ATP5F1A: variants seen among roughly 807,000 people sequenced by gnomAD.
ATP5F1A encodes ATP synthase F1 subunit alpha, also known as ATP synthase F(1) complex subunit alpha, mitochondrial.
ATP5F1A carries 24 observed loss-of-function variants against 57.4 expected under a neutral mutation model. That is an observed-to-expected ratio of 0.42 (90% CI 0.30 to 0.59). The LOEUF (loss-of-function observed/expected upper bound fraction) is 0.59, where lower values mean the gene tolerates loss of function less well. ATP5F1A is among the 20% of genes least tolerant of loss of function. The pLI, the probability that ATP5F1A is intolerant of heterozygous loss-of-function variation, is 0.19. For synonymous variants in ATP5F1A, 251 were observed against 255.5 expected (o/e 0.98, Z 0.17); for missense variants, 494 against 707.9 (o/e 0.70, Z 3.43).
upstream of ATP5F1A, among the ~76,000 whole-genome samples, chr18:46,102,080 A>T (rs1315139431): frequency 6.6e-6 from 1 of 151,540 alleles, no homozygotes; most frequent in Non-Finnish European, 1.5e-5. Flanking sequence ...AGGCTGAGGC[A>T]GGAGAATGGC....
chr18:46,087,701 G>C (rs1910226514), intron 6 of ATP5F1A: 1 of 552,036 alleles, frequency 1.8e-6, no homozygotes, highest in African/African-American at 1.9e-5. Context: ...CCAATATGAG[G>C]AAACTCCGTC....
At chr18:46,087,966 A>G in intron 6 of ATP5F1A, 143 bp downstream of exon 6, 2 of 843,568 alleles carry the variant, frequency 2.4e-6, no homozygotes, top group Admixed American at 2.9e-5. Context: ...ACTGTTTTAC[A>G]TTGTCTTACC....
At position 46,089,954 on chromosome 18, in the gene ATP5F1A, C is replaced by T. The variant is rs761252563; in HGVS notation, c.352G>A (p.Val118Met). 1.5e-5 allele frequency: 24 copies of T among 1,611,116 alleles called. No homozygotes were observed. The highest frequency in any genetic ancestry group is 1.6e-4 in the Middle Eastern group (1 of 6,068). Residue 118 changes from valine to methionine, a missense_variant, in exon 4 of 12, where the codon GTG (valine) becomes ATG (methionine). Around this residue, in one of 6 missense-constraint regions of ATP5F1A, gnomAD observed 191 missense variants for 267.7 expected, o/e 0.71. Coordinates refer to ENST00000398752, the MANE Select transcript of ATP5F1A (RefSeq NM_004046.6). ...NLEPDNVGVV[V>M]FGNDKLIKEG... ...TTAATTAGTTTATCATTTCCAAACA[C>T]GACAACACCAACATTGTCAGGTTCC...
At chr18:46,090,704 C>T (rs1362442751) in intron 3 of ATP5F1A, among the ~76,000 whole-genome samples, 1 of 152,198 alleles carries the variant, frequency 6.6e-6, no homozygotes, top group East Asian at 1.9e-4. Context: ...ATGTTCAATA[C>T]AGCATCCACT....
chr18:46,094,945 C>T (rs991531091), intron 2 of ATP5F1A, 108 bp downstream of exon 2: 28 of 1,377,076 alleles, frequency 2.0e-5, no homozygotes, highest in Non-Finnish European at 2.7e-5. Flanking sequence ...TCTATACAAA[C>T]TAGAGAAAAA....
intron 1 of ATP5F1A, among the ~76,000 whole-genome samples, chr18:46,103,610 C>CAAAAAA (rs71160711): frequency 5.8e-5 from 2 of 34,504 alleles, no homozygotes; most frequent in Admixed American, 4.0e-4. Context: ...GACTCCATCT[C>CAAAAAA]AAAAAAAAAA....
At chr18:46,090,154 C>A (rs1910455105) in intron 3 of ATP5F1A, among the ~76,000 whole-genome samples, 158 bp from the exon 4 acceptor site, 1 of 152,134 alleles carries the variant, frequency 6.6e-6, no homozygotes, top group Admixed American at 6.5e-5. Context: ...AACAAACAAC[C>A]CTCTCTGATT....
chr18:46,086,664 G>A (rs1910121509), intron 8 of ATP5F1A, 170 bp from the exon 9 acceptor site: 2 of 634,680 alleles, frequency 3.2e-6, no homozygotes, highest in Non-Finnish European at 5.4e-6. Flanking sequence ...GCAATTAGGA[G>A]ATGTGCATGA....
chr18:46,099,660 A>G (rs549896476), upstream of ATP5F1A, among the ~76,000 whole-genome samples: 102 of 151,854 alleles, frequency 6.7e-4, no homozygotes, highest in African/African-American at 2.3e-3. Flanking sequence ...AGGTCTCTCT[A>G]TGTTGCCCAG....
At position 46,084,143 on chromosome 18, in the gene ATP5F1A, C is replaced by A; in HGVS notation, c.*139G>T. 3.1e-6 allele frequency: 2 copies of A among 654,526 alleles called. No homozygotes were observed. Among genetic ancestry groups the A allele is most frequent in the South Asian group, 2.5e-5 (1 of 39,984 alleles). The allele number at this position is 654,526 out of a possible 1,614,324, so 40.5% of individuals were successfully genotyped here. A position where few individuals can be genotyped will look rare whatever the true frequency, so the allele number is the denominator to read the frequency against. ...AAAGAATAACACAAATGACAGAAAA[C>A]AACTATGCATTATGGAACCTTTATT... On this transcript the variant is annotated 3_prime_UTR_variant, in exon 12 of 12. Coordinates refer to ENST00000398752, the MANE Select transcript of ATP5F1A (RefSeq NM_004046.6).
intron 1 of ATP5F1A, among the ~76,000 whole-genome samples, chr18:46,103,821 G>A (rs1568259750): frequency 6.6e-6 from 1 of 151,722 alleles, no homozygotes; most frequent in Non-Finnish European, 1.5e-5. Context: ...GGCTGAGACA[G>A]AAGAATCGCT....
rs1467053168 is a variant in ATP5F1A, at chr18:46,087,317, T to C, written c.951+24A>G. ...TTTTACTTCAGTACAAATAAATGGA[T>C]TCTAAAAATTTATTTCCTTTGACCT... is the stretch of plus-strand genomic sequence containing the variant. On this transcript the variant is annotated intron_variant, in intron 7 of 11. Transcript: ENST00000398752. 2.5e-6 allele frequency: 4 copies of C among 1,612,490 alleles called. No individual in the cohort carries two copies. The African/African-American group carries it at 4.0e-5, about 16-fold the overall frequency.
intron 5 of ATP5F1A, among the ~76,000 whole-genome samples, chr18:46,089,112 T>C (rs1390779201): frequency 2.0e-5 from 3 of 151,764 alleles, no homozygotes; most frequent in East Asian, 2.0e-4. Context: ...ATAGTAGAGA[T>C]AGTGATCAAT....
At chr18:46,102,164 A>T (rs1289801319), upstream of ATP5F1A, among the ~76,000 whole-genome samples, 1 of 146,238 alleles carries the variant, frequency 6.8e-6, no homozygotes, top group African/African-American at 2.6e-5. Flanking sequence ...ACAGCACAAG[A>T]CTCCCTCTCA....
At chr18:46,086,791 G>T in intron 8 of ATP5F1A, 2 of 622,048 alleles carry the variant, frequency 3.2e-6, no homozygotes, top group Non-Finnish European at 5.6e-6. Flanking sequence ...GGTTAAAAAT[G>T]AAACTAGAAC....
Position 46,090,013 on chromosome 18 carries a change from A to G in ATP5F1A, c.310-17T>C, listed in dbSNP as rs1179691879. 6.7e-7 allele frequency: 1 copy of G among 1,501,060 alleles called. No homozygotes were observed. Among genetic ancestry groups the G allele is most frequent in the African/African-American group, 1.4e-5 (1 of 71,198 alleles). 93.0% of individuals were successfully genotyped at this position (1,501,060 alleles called of 1,614,324 possible). On this transcript the variant is annotated splice_polypyrimidine_tract_variant and intron_variant, in intron 3 of 11. Transcript: ENST00000398752. ...GGACATACCCTGCACAAAAGACACAATTGAACATCAATGAAGCTGAATGGG... is the reference window on the plus strand; with the variant it reads ...GGACATACCCTGCACAAAAGACACAGTTGAACATCAATGAAGCTGAATGGG...
intron 3 of ATP5F1A, among the ~76,000 whole-genome samples, chr18:46,091,442 A>G (rs908134990): frequency 3.9e-5 from 6 of 152,198 alleles, no homozygotes; most frequent in Non-Finnish European, 5.9e-5. Context: ...AGTTTATTCA[A>G]TTTTATATTT....
Position 46,084,017 on chromosome 18 carries a change from G to T in ATP5F1A, c.*265C>A, listed in dbSNP as rs1046812023. ...AAAACAAAAAAAAAACTTACAAAGA[G>T]CTCAGCCTTGAATTATCTAGCCCAG... On this transcript the variant is annotated 3_prime_UTR_variant, in exon 12 of 12. Transcript: ENST00000398752. The T allele has an allele frequency of 5.4e-5, 16 of 298,902 alleles. 1 individual carries two copies. Among genetic ancestry groups the T allele is most frequent in the Non-Finnish European group, 9.7e-5 (16 of 165,680 alleles). 18.5% of individuals were successfully genotyped at this position (298,902 alleles called of 1,614,324 possible). A position where few individuals can be genotyped will look rare whatever the true frequency, so the allele number is the denominator to read the frequency against.
At chr18:46,089,416 G>A in intron 5 of ATP5F1A, 150 bp downstream of exon 5, 2 of 899,410 alleles carry the variant, frequency 2.2e-6, no homozygotes, top group Non-Finnish European at 3.4e-6. Context: ...GGAGGGGCTG[G>A]CCCCCTTCAC....
Sources: allele counts gnomAD v4.1 joint callset (sites outside exome capture counted in the v4.1 genomes callset), GRCh38; gene constraint gnomAD v4.1.1; regional missense constraint gnomAD v4.1.1; transcripts MANE v1.5; gene names NCBI Gene and HGNC (gene_info 2026-07-23, HGNC 2026-07-21).